Variants in LIMS1 observed in about 807,000 individuals in gnomAD.
The protein encoded by LIMS1 is LIM zinc finger domain containing 1.
A neutral mutation model predicts 44.1 loss-of-function variants in LIMS1; 18 were observed. That is an observed-to-expected ratio of 0.41 (90% CI 0.28 to 0.61). The LOEUF is 0.61. LIMS1 is among the 20% of genes least tolerant of loss of function. LIMS1 has a pLI of 0.32. For missense variants in LIMS1, 201 were observed against 422.0 expected (o/e 0.48, Z 4.59); for synonymous variants, 93 against 149.1 (o/e 0.62, Z 2.74).
Position 108,682,479 on chromosome 2 carries a change from G to A in LIMS1, c.900-1406G>A, listed in dbSNP as rs1338330930. Reference sequence around the variant, plus strand: ...CGTGCCACTGCATTCCACCCTGGGCGACAGAGTGAGACTCTGTCTCAAAAA... The same window carrying A: ...CGTGCCACTGCATTCCACCCTGGGCAACAGAGTGAGACTCTGTCTCAAAAA... On this transcript the variant is annotated intron_variant, in intron 9 of 9. Coordinates refer to ENST00000544547, the Ensembl canonical transcript of LIMS1. Among the ~76,000 whole-genome samples the A allele has an allele frequency of 5.9e-5, 9 of 152,214 alleles. No homozygotes were observed. In the East Asian group the frequency reaches 1.6e-3, roughly 26 times the overall value.
chr2:108,673,725 G>A (rs1692301236), intron 5 of LIMS1: 2 of 152,030 alleles, frequency 1.3e-5, no homozygotes, highest in African/African-American at 4.8e-5. Flanking sequence ...AAGAAAATTA[G>A]CAATAATCTT....
At chr2:108,649,643 TA>T (rs966405260) in intron 1 of LIMS1, among the ~76,000 whole-genome samples, 54 of 152,082 alleles carry the variant, frequency 3.6e-4, no homozygotes, top group Non-Finnish European at 6.8e-4. Context: ...TATGCAGCCA[TA>T]AAAAAGGATG....
chr2:108,604,640 G>A (rs1314083503), intron 1 of LIMS1, among the ~76,000 whole-genome samples: 1 of 152,102 alleles, frequency 6.6e-6, no homozygotes, highest in East Asian at 1.9e-4. Context: ...CCTCAAGATG[G>A]GTTTCTTGTA....
At chr2:108,597,581 G>C (rs191574343) in intron 1 of LIMS1, among the ~76,000 whole-genome samples, 1 of 151,950 alleles carries the variant, frequency 6.6e-6, no homozygotes, top group Non-Finnish European at 1.5e-5. Context: ...ATGTCTGTGT[G>C]AAAGAGACAG....
intron 1 of LIMS1, among the ~76,000 whole-genome samples, chr2:108,587,987 G>A (rs62149880): frequency 4.3e-3 from 651 of 152,302 alleles, no homozygotes; most frequent in Non-Finnish European, 7.0e-3. Context: ...AAGAAGCTCC[G>A]TTAATTCAAA....
chr2:108,555,747 C>T (rs1429479119), intron 1 of LIMS1, among the ~76,000 whole-genome samples: 1 of 152,196 alleles, frequency 6.6e-6, no homozygotes, highest in Non-Finnish European at 1.5e-5. Context: ...TGAGGGAAGG[C>T]AGGCTTGCAC....
chr2:108,683,973 C>T (rs1332284130), exon 10 of LIMS1: 3 of 1,582,256 alleles, frequency 1.9e-6, no homozygotes, highest in African/African-American at 1.4e-5. Context: ...ACTTAAGAAA[C>T]TAGCTGAGAC....
intron 1 of LIMS1, among the ~76,000 whole-genome samples, chr2:108,599,164 A>G (rs551132691): frequency 1.4e-3 from 208 of 152,254 alleles, no homozygotes; most frequent in Non-Finnish European, 2.6e-3. Context: ...CCCATTAACC[A>G]TTCCCTTCCC....
chr2:108,627,976 G>A lies in LIMS1; in HGVS notation c.33-31629G>A, dbSNP rs561682070. Among the ~76,000 whole-genome samples the A allele has an allele frequency of 4.6e-5, 7 of 152,274 alleles. 1 individual carries two copies. The South Asian group carries it at 1.0e-3, about 23-fold the overall frequency. Reference sequence around the variant, plus strand: ...AGAAATTTGTTGTCGTAGATTTCTGGACACCAGAAGTCAGAAACCAGCGTG... The same window carrying A: ...AGAAATTTGTTGTCGTAGATTTCTGAACACCAGAAGTCAGAAACCAGCGTG... On this transcript the variant is annotated intron_variant, in intron 1 of 9. Transcript: ENST00000544547.
At chr2:108,607,710 C>G (rs181618979) in intron 1 of LIMS1, among the ~76,000 whole-genome samples, 1 of 152,128 alleles carries the variant, frequency 6.6e-6, no homozygotes, top group Non-Finnish European at 1.5e-5. Context: ...TTCTCGTCTT[C>G]CTTTGAGTGG....
At chr2:108,636,264 T>A (rs1689244127) in intron 1 of LIMS1, among the ~76,000 whole-genome samples, 1 of 152,170 alleles carries the variant, frequency 6.6e-6, no homozygotes, top group Non-Finnish European at 1.5e-5. Flanking sequence ...AGAAGGCTGT[T>A]CCCAGTGAGT....
chr2:108,600,891 T>TTCTTC (rs150372618), intron 1 of LIMS1, among the ~76,000 whole-genome samples: 21,992 of 90,500 alleles, frequency 0.24, 1,924 homozygotes, highest in Middle Eastern at 0.36. Flanking sequence ...GAATTGTTCG[T>TTCTTC]TCTTCTCTTC....
At chr2:108,565,706 T>C (rs1685268449) in intron 1 of LIMS1, among the ~76,000 whole-genome samples, 1 of 152,200 alleles carries the variant, frequency 6.6e-6, no homozygotes, top group Non-Finnish European at 1.5e-5. Context: ...TACCACAGAC[T>C]GGGTAATTTT....
At chr2:108,607,633 A>G (rs770312025) in intron 1 of LIMS1, among the ~76,000 whole-genome samples, 1 of 152,130 alleles carries the variant, frequency 6.6e-6, no homozygotes, top group Non-Finnish European at 1.5e-5. Flanking sequence ...TTTACCTGTT[A>G]ATTGTGCCTG....
intron 1 of LIMS1, among the ~76,000 whole-genome samples, chr2:108,584,170 T>C (rs1227484093): frequency 6.6e-6 from 1 of 152,138 alleles, no homozygotes; most frequent in East Asian, 1.9e-4. Flanking sequence ...TAAATGAAAG[T>C]GATCTCTCCA....
chr2:108,667,551 A>ATATATATATATATAT (rs1553469851), intron 2 of LIMS1, among the ~76,000 whole-genome samples: 4 of 130,482 alleles, frequency 3.1e-5, no homozygotes, highest in African/African-American at 8.6e-5. Flanking sequence ...AAAAAAAAAA[A>ATATATATATATATAT]ATATATATAT....
intron 1 of LIMS1, among the ~76,000 whole-genome samples, chr2:108,630,356 C>T (rs917274628): frequency 1.3e-5 from 2 of 152,158 alleles, no homozygotes; most frequent in African/African-American, 4.8e-5. Flanking sequence ...TTATGTCACA[C>T]TTACATGCTG....
chr2:108,656,843 A>G (rs1239261898), intron 1 of LIMS1, among the ~76,000 whole-genome samples: 194 of 98,144 alleles, frequency 2.0e-3, no homozygotes, highest in Non-Finnish European at 3.2e-3. Context: ...GTTTTAATCT[A>G]AGGGCCTCTT....
rs530219463 is a variant in LIMS1, at chr2:108,671,336, G to T, written c.259+489G>T. The stretch of plus-strand genomic sequence containing the variant: ...AGCTGGAGGAGTATCAAAACCTAGA[G>T]ATCATTGATTTTTAAGGACATTTAA... On this transcript the variant is annotated intron_variant, in intron 3 of 9. Coordinates refer to ENST00000544547, the Ensembl canonical transcript of LIMS1. Among the ~76,000 whole-genome samples the T allele has an allele frequency of 2.0e-5, 3 of 152,110 alleles. No homozygotes were observed. In the South Asian group the frequency reaches 6.2e-4, roughly 32 times the overall value.
Sources: allele counts gnomAD v4.1 joint callset (sites outside exome capture counted in the v4.1 genomes callset), GRCh38; gene constraint gnomAD v4.1.1; transcripts MANE v1.5; gene names NCBI Gene and HGNC (gene_info 2026-07-23, HGNC 2026-07-21).